The following KATNAL1 variants were observed in gnomAD, a reference collection of about 807,000 sequenced individuals.
The protein encoded by KATNAL1 is katanin catalytic subunit A1 like 1, also known as katanin p60 ATPase-containing subunit A-like 1.
KATNAL1 carries 32 observed loss-of-function variants against 55.2 expected under a neutral mutation model. The ratio of observed to expected loss-of-function variants is 0.58; its 90% CI spans 0.44 to 0.78. The LOEUF (loss-of-function observed/expected upper bound fraction) is 0.78. KATNAL1 is among the 30% of genes least tolerant of loss of function. KATNAL1 has a pLI of 0.00. For missense variants in KATNAL1, 466 were observed against 600.9 expected (o/e 0.78, Z 2.35); for synonymous variants, 193 against 193.6 (o/e 1.00, Z 0.02).
intron 3 of KATNAL1, among the ~76,000 whole-genome samples, chr13:30,275,789 T>A (rs556244609): frequency 4.8e-4 from 73 of 152,152 alleles, no homozygotes; most frequent in Admixed American, 1.2e-3. Flanking sequence ...TCAAAAAATA[T>A]ATATATATAT....
chr13:30,275,612 G>T (rs1415026174), intron 3 of KATNAL1, among the ~76,000 whole-genome samples: 1 of 152,148 alleles, frequency 6.6e-6, no homozygotes, highest in Non-Finnish European at 1.5e-5. Context: ...TTTCAGTCAT[G>T]CAAGATAAGT....
At chr13:30,300,277 T>C (rs989805424) in intron 1 of KATNAL1, among the ~76,000 whole-genome samples, 1 of 152,248 alleles carries the variant, frequency 6.6e-6, no homozygotes, top group Non-Finnish European at 1.5e-5. Context: ...TAATTTCTGC[T>C]TTAAACTATT....
chr13:30,210,190 C>A, intron 10 of KATNAL1, 126 bp downstream of exon 10: 1 of 681,188 alleles, frequency 1.5e-6, no homozygotes, highest in Non-Finnish European at 2.2e-6. Context: ...AATGGGAAAC[C>A]ATTTTAAAGA....
At chr13:30,306,995 C>T (rs938187507) in intron 1 of KATNAL1, 2 of 142,234 alleles carry the variant, frequency 1.4e-5, no homozygotes, top group African/African-American at 5.3e-5. Context: ...TCAACAGCCC[C>T]CTCAAGACAA....
chr13:30,253,463 A>C (rs1878514688), intron 4 of KATNAL1, among the ~76,000 whole-genome samples: 1 of 152,090 alleles, frequency 6.6e-6, no homozygotes. Flanking sequence ...AAATGTATTG[A>C]CCATCCTGGC....
intron 3 of KATNAL1, among the ~76,000 whole-genome samples, chr13:30,274,907 G>GCGCGCGCGCGCA (rs869107567): frequency 5.4e-4 from 57 of 105,384 alleles, no homozygotes; most frequent in East Asian, 1.4e-3. Context: ...GCGCGCGCGC[G>GCGCGCGCGCGCA]CACACACACA....
At chr13:30,232,265 A>G (rs1188913748) in intron 6 of KATNAL1, among the ~76,000 whole-genome samples, 1 of 152,196 alleles carries the variant, frequency 6.6e-6, no homozygotes, top group African/African-American at 2.4e-5. Context: ...AGCTCACACT[A>G]AATTTTTTGC....
At chr13:30,236,844 C>T (rs570074440) in intron 6 of KATNAL1, among the ~76,000 whole-genome samples, 1 of 152,328 alleles carries the variant, frequency 6.6e-6, no homozygotes, top group South Asian at 2.1e-4. Context: ...CTCACATATA[C>T]TATGTTCTCT....
At chr13:30,215,978 A>T (rs1194528897) in intron 9 of KATNAL1, among the ~76,000 whole-genome samples, 1 of 152,192 alleles carries the variant, frequency 6.6e-6, no homozygotes, top group East Asian at 1.9e-4. Context: ...TAAGCCACCC[A>T]ATCTTTGATA....
chr13:30,253,803 T>C (rs1179032138), intron 4 of KATNAL1, among the ~76,000 whole-genome samples: 1 of 152,222 alleles, frequency 6.6e-6, no homozygotes, highest in Non-Finnish European at 1.5e-5. Context: ...AGACTTTTCA[T>C]CTAGCTTGGT....
At chr13:30,252,036 T>C (rs1180191638) in intron 4 of KATNAL1, among the ~76,000 whole-genome samples, 2 of 152,194 alleles carry the variant, frequency 1.3e-5, no homozygotes, top group Non-Finnish European at 2.9e-5. Context: ...ACTCGTATTA[T>C]TATAAGAAGA....
At position 30,206,656 on chromosome 13, in the gene KATNAL1, A is replaced by G. The variant is rs1193323516; in HGVS notation, c.*1884T>C. On this transcript the variant is annotated 3_prime_UTR_variant, in exon 11 of 11. Coordinates refer to ENST00000380615, the MANE Select transcript of KATNAL1 (RefSeq NM_032116.5). ...AGTAATTGCGGTTTTTGCCATTGAA[A>G]GTAATGGAAAAACCACAATTACTTT... is the stretch of plus-strand genomic sequence containing the variant. 6.6e-6 allele frequency: 1 copy of G among 151,980 alleles called. No homozygotes were observed. The highest frequency in any genetic ancestry group is 2.4e-5 in the African/African-American group (1 of 41,398). The allele number at this position is 151,980 out of a possible 1,614,324, so 9.4% of individuals were successfully genotyped here. A position where few individuals can be genotyped will look rare whatever the true frequency, so the allele number is the denominator to read the frequency against.
rs542675022 is a variant in KATNAL1 at position 30,301,301 on chromosome 13, G to C, written c.-15+6030C>G. ...GGCAGAAGCTTGAACCCAGGAGACG[G>C]AGGTTGCAGTGAGCCGAGATGGCGC... On this transcript the variant is annotated intron_variant, in intron 1 of 10. Transcript: ENST00000380615. Among the ~76,000 whole-genome samples, 3 of 152,256 alleles carry C rather than the reference G, an allele frequency of 2.0e-5. No individual in the cohort carries two copies. The East Asian group carries it at 5.8e-4, about 29-fold the overall frequency.
rs1315116748 is a variant in KATNAL1 at position 30,280,116 on chromosome 13, A to T, written c.270T>A (p.Asp90Glu). ...KPPDFPVSCQ[D>E]EPFRDPAVWP... ...AAACAGCAGGATCTCTAAATGGTTC[A>T]TCTTGACAGGACACAGGGAAATCTG... Residue 90 changes from aspartate to glutamate, a missense_variant, in exon 3 of 11, where the codon GAT (aspartate) becomes GAA (glutamate). By Grantham distance (45) the Asp-to-Glu change is conservative (BLOSUM62 2). Coordinates refer to ENST00000380615, the MANE Select transcript of KATNAL1 (RefSeq NM_032116.5). The T allele has an allele frequency of 6.2e-6, 10 of 1,613,554 alleles. No individual in the cohort carries two copies. The East Asian group carries it at 2.2e-4, about 36-fold the overall frequency.
rs897308136 is a variant in KATNAL1, at chr13:30,207,783, A to G, written c.*757T>C. The G allele has an allele frequency of 1.3e-5, 2 of 152,236 alleles. No homozygotes were observed. The highest frequency in any genetic ancestry group is 4.8e-5 in the African/African-American group (2 of 41,462). The allele number at this position is 152,236 out of a possible 1,614,324, so 9.4% of individuals were successfully genotyped here. A position where few individuals can be genotyped will look rare whatever the true frequency, so the allele number is the denominator to read the frequency against. The stretch of plus-strand genomic sequence containing the variant: ...CTTCACGCACACACAAAAAAGTGAA[A>G]ACAAACTTGGAAGTCTAGAATGAAG... On this transcript the variant is annotated 3_prime_UTR_variant, in exon 11 of 11. Transcript: ENST00000380615.
rs537717366 is a variant in KATNAL1 at position 30,208,941 on chromosome 13, A to G, written c.1275-203T>C. On this transcript the variant is annotated intron_variant, in intron 10 of 10. Coordinates refer to ENST00000380615, the MANE Select transcript of KATNAL1 (RefSeq NM_032116.5). ...AAACAACCAAAAACATGAAATGTAT[A>G]GTTAACGAACCCTAAAAGTCTAAGT... Among the ~76,000 whole-genome samples the G allele has an allele frequency of 2.0e-5, 3 of 152,356 alleles. No individual in the cohort carries two copies. The East Asian group carries it at 5.8e-4, about 29-fold the overall frequency.
At chr13:30,271,878 G>GAAAAAAAAAAAAAAAAAA (rs71299873) in intron 3 of KATNAL1, among the ~76,000 whole-genome samples, 22 of 76,780 alleles carry the variant, frequency 2.9e-4, no homozygotes, top group Non-Finnish European at 3.7e-4. Flanking sequence ...AAGAAAAGAG[G>GAAAAAAAAAAAAAAAAAA]AAAAAAAAAA....
chr13:30,270,092 C>T (rs1880174349), intron 3 of KATNAL1, among the ~76,000 whole-genome samples: 3 of 136,236 alleles, frequency 2.2e-5, no homozygotes, highest in Middle Eastern at 4.0e-3. Flanking sequence ...CAGCCCCCCG[C>T]CCGGCCAGCC....
rs1450012160 is a variant in KATNAL1 at position 30,204,423 on chromosome 13, C to T, written c.*4117G>A. The stretch of plus-strand genomic sequence containing the variant: ...ATACTTGCCTAGTCCTTCATTTTAT[C>T]TCAAGTTAGGGTGGGGGGAAAGTGA... On this transcript the variant is annotated 3_prime_UTR_variant, in exon 11 of 11. Transcript: ENST00000380615. 1 of 110,874 alleles carries T rather than the reference C, an allele frequency of 9.0e-6. No homozygotes were observed. The highest frequency in any genetic ancestry group is 2.1e-5 in the Non-Finnish European group (1 of 47,502). 6.9% of individuals were successfully genotyped at this position (110,874 alleles called of 1,614,324 possible). A position where few individuals can be genotyped will look rare whatever the true frequency, so the allele number is the denominator to read the frequency against.
Sources: allele counts gnomAD v4.1 joint callset (sites outside exome capture counted in the v4.1 genomes callset), GRCh38; gene constraint gnomAD v4.1.1; transcripts MANE v1.5; gene names NCBI Gene and HGNC (gene_info 2026-07-23, HGNC 2026-07-21).